The following CCDC62 variants were observed in gnomAD, a reference collection of about 807,000 sequenced individuals.
The protein encoded by CCDC62 is coiled-coil domain containing 62, also known as coiled-coil domain-containing protein 62.
Under a neutral mutation model 80.8 loss-of-function variants are expected in CCDC62, and 72 were observed. The observed-to-expected ratio is 0.89, with a 90% CI of 0.74 to 1.08. The LOEUF (loss-of-function observed/expected upper bound fraction) is 1.08, where lower values mean the gene tolerates loss of function less well. CCDC62 is among the 50% of genes least tolerant of loss of function. CCDC62 has a pLI of 0.00. For missense variants in CCDC62, 704 were observed against 809.4 expected (o/e 0.87, Z 1.58); for synonymous variants, 286 against 296.5 (o/e 0.96, Z 0.36).
At chr12:122,826,311 T>A (rs1207477005) in intron 12 of CCDC62, 111 bp from the exon 13 acceptor site, 33 of 621,040 alleles carry the variant, frequency 5.3e-5, no homozygotes. Flanking sequence ...CTGATGTTGA[T>A]GAAAATCAGG....
chr12:122,821,351 C>T (rs147829350), intron 11 of CCDC62, among the ~76,000 whole-genome samples: 1 of 152,304 alleles, frequency 6.6e-6, no homozygotes, highest in East Asian at 1.9e-4. Flanking sequence ...ACAAAGGGGA[C>T]CCCACACATG....
At chr12:122,825,090 A>G (rs1455397871) in intron 12 of CCDC62, among the ~76,000 whole-genome samples, 1 of 151,942 alleles carries the variant, frequency 6.6e-6, no homozygotes, top group Non-Finnish European at 1.5e-5. Flanking sequence ...CAGTCTCAAA[A>G]AAAAAAAGAA....
chr12:122,816,204 T>C (rs1227337995), intron 11 of CCDC62, among the ~76,000 whole-genome samples: 2 of 152,220 alleles, frequency 1.3e-5, no homozygotes, highest in African/African-American at 2.4e-5. Flanking sequence ...TGATGGACTC[T>C]GGTGTTTCCT....
At chr12:122,774,778 A>C in intron 1 of CCDC62, 72 bp downstream of exon 1, 171 of 1,125,432 alleles carry the variant, frequency 1.5e-4, no homozygotes, top group South Asian at 2.7e-4. Context: ...ATTGCTTCTC[A>C]AGAACGGTGT....
At chr12:122,823,824 A>G (rs766553647) in intron 12 of CCDC62, among the ~76,000 whole-genome samples, 3 of 151,712 alleles carry the variant, frequency 2.0e-5, no homozygotes, top group Non-Finnish European at 4.4e-5. Context: ...TGTCACTACT[A>G]AAAATACAAA....
At chr12:122,796,404 A>G (rs2135552140) in intron 6 of CCDC62, among the ~76,000 whole-genome samples, 1 of 152,244 alleles carries the variant, frequency 6.6e-6, no homozygotes, top group South Asian at 2.1e-4. Flanking sequence ...TCAGCCTCCA[A>G]AGTAGCTGGA....
At chr12:122,784,409 T>C (rs1252541780) in intron 3 of CCDC62, among the ~76,000 whole-genome samples, 1 of 151,994 alleles carries the variant, frequency 6.6e-6, no homozygotes, top group Non-Finnish European at 1.5e-5. Flanking sequence ...TAATCCCAGC[T>C]ACTTGGGAGG....
chr12:122,806,432 G>T (rs1221547567), intron 10 of CCDC62, 137 bp downstream of exon 10: 13 of 608,752 alleles, frequency 2.1e-5, no homozygotes, highest in African/African-American at 4.1e-5. Flanking sequence ...TTAATTCTAG[G>T]ATTTTAAGAT....
At position 122,787,294 on chromosome 12, in the gene CCDC62, C is replaced by CA. The variant is rs550577272; in HGVS notation, c.499-1457dup. On this transcript the variant is annotated intron_variant, in intron 4 of 12. Coordinates refer to ENST00000253079, the MANE Select transcript of CCDC62 (RefSeq NM_201435.5). ...GAAACCCCTGTCTTTACTAAAAATA[C>CA]AAAAAAATTAGCCGGGCATGGTGGC... Among the ~76,000 whole-genome samples, 45 of 151,610 alleles carry CA rather than the reference C, an allele frequency of 3.0e-4. 2 individuals are homozygous for CA. In the East Asian group the frequency reaches 8.6e-3, roughly 29 times the overall value.
At chr12:122,796,656 G>A (rs932996722) in intron 6 of CCDC62, among the ~76,000 whole-genome samples, 1 of 151,980 alleles carries the variant, frequency 6.6e-6, no homozygotes, top group African/African-American at 2.4e-5. Flanking sequence ...CCAGGAGTTC[G>A]AGACCAACCT....
chr12:122,792,724 G>A (rs1026301949), intron 6 of CCDC62, among the ~76,000 whole-genome samples: 1 of 152,062 alleles, frequency 6.6e-6, no homozygotes, highest in African/African-American at 2.4e-5. Flanking sequence ...TCACCATGTT[G>A]GCCAGGCTGA....
chr12:122,801,324 T>C lies in CCDC62; in HGVS notation c.1178T>C (p.Ile393Thr). 7.4e-6 allele frequency: 12 copies of C among 1,614,064 alleles called. No individual in the cohort carries two copies. The highest frequency in any genetic ancestry group is 1.0e-5 in the Non-Finnish European group (12 of 1,179,996). The change falls in exon 9 of 13, where the codon ATT (isoleucine) becomes ACT (threonine). Residue 393 changes from isoleucine to threonine, a missense_variant. By Grantham distance (89) the Ile-to-Thr change is moderately conservative. Coordinates refer to ENST00000253079, the MANE Select transcript of CCDC62 (RefSeq NM_201435.5). Reference protein sequence around the residue: ...IDTVFGEKSVITLSSIFTKDL... With the variant: ...IDTVFGEKSVTTLSSIFTKDL... The stretch of plus-strand genomic sequence containing the variant: ...ACTGTGTTTGGGGAGAAAAGTGTAA[T>C]TACGCTGTCATCCATATTCACCAAA...
intron 4 of CCDC62, among the ~76,000 whole-genome samples, chr12:122,787,383 G>A (rs933660173): frequency 2.5e-4 from 38 of 150,808 alleles, no homozygotes; most frequent in African/African-American, 8.3e-4. Context: ...GCCGGGAGGT[G>A]GAGGTTGCAG....
rs1444892878 is a variant in CCDC62 at position 122,812,748 on chromosome 12, A to G, written c.1852-522A>G. On this transcript the variant is annotated intron_variant, in intron 10 of 12. Coordinates refer to ENST00000253079, the MANE Select transcript of CCDC62 (RefSeq NM_201435.5). ...AAAAAAAAAAAAAAGAAAGAGAGAG[A>G]GAGGGAGGGAGAGAGAGAGAGAGAG... Among the ~76,000 whole-genome samples the G allele has an allele frequency of 2.9e-4, 36 of 122,702 alleles. 1 individual carries two copies. Among genetic ancestry groups the G allele is most frequent in the African/African-American group, 2.0e-4 (6 of 30,278 alleles). 80.5% of individuals were successfully genotyped at this position (122,702 alleles called of 152,430 possible).
At position 122,781,250 on chromosome 12, in the gene CCDC62, G is replaced by A; in HGVS notation, c.316G>A (p.Ala106Thr). 6.2e-7 allele frequency: 1 copy of A among 1,613,904 alleles called. No homozygotes were observed. Among genetic ancestry groups the A allele is most frequent in the Non-Finnish European group, 8.5e-7 (1 of 1,179,834 alleles). ...LESNQMECQT[A>T]LQKTQLQLQE... ...ATCCAATCAAATGGAATGCCAAACAGCTCTCCAAAAGACCCAACTACAGCT... is the reference window on the plus strand; with the variant it reads ...ATCCAATCAAATGGAATGCCAAACAACTCTCCAAAAGACCCAACTACAGCT... The change falls in exon 3 of 13, where the codon GCT becomes ACT. Residue 106 changes from alanine to threonine, a missense_variant. Transcript: ENST00000253079.
chr12:122,783,624 G>T (rs1380071971), intron 3 of CCDC62, among the ~76,000 whole-genome samples: 1 of 152,052 alleles, frequency 6.6e-6, no homozygotes. Flanking sequence ...GTTTTTAAAA[G>T]AATACTATTC....
intron 4 of CCDC62, among the ~76,000 whole-genome samples, chr12:122,786,547 C>T (rs1432727590): frequency 6.6e-6 from 1 of 152,158 alleles, no homozygotes; most frequent in Non-Finnish European, 1.5e-5. Flanking sequence ...TGCTGTTACA[C>T]ATGTCATTGA....
chr12:122,796,874 C>T (rs1045261786), intron 6 of CCDC62, among the ~76,000 whole-genome samples: 1 of 145,542 alleles, frequency 6.9e-6, no homozygotes, highest in African/African-American at 2.6e-5. Flanking sequence ...CAAATCACTT[C>T]TTCTTTTTTT....
At chr12:122,786,333 A>G (rs2030230373) in intron 4 of CCDC62, among the ~76,000 whole-genome samples, 1 of 151,834 alleles carries the variant, frequency 6.6e-6, no homozygotes, top group Admixed American at 6.6e-5. Context: ...TATTTTTAGT[A>G]GAGACGGGGT....
Sources: allele counts gnomAD v4.1 joint callset (sites outside exome capture counted in the v4.1 genomes callset), GRCh38; gene constraint gnomAD v4.1.1; transcripts MANE v1.5; gene names NCBI Gene and HGNC (gene_info 2026-07-23, HGNC 2026-07-21).